The following IFT25 variants were observed in gnomAD, a reference collection of about 807,000 sequenced individuals.
IFT25 encodes intraflagellar transport 25, also known as intraflagellar transport protein 25 homolog.
the IFT25 span, among the ~76,000 whole-genome samples, chr1:53,932,468 T>C: frequency 6.6e-6 from 1 of 152,250 alleles, no homozygotes; most frequent in Admixed American, 6.5e-5. Context: ...TTATTTCTAA[T>C]TTAATTACAC....
At chr1:53,930,227 A>C in the IFT25 span, 21 of 1,295,608 alleles carry the variant, frequency 1.6e-5, no homozygotes, top group Non-Finnish European at 2.1e-5. Context: ...CCTGTTTTTT[A>C]AAATTAAATG....
At chr1:53,933,453 C>T in the IFT25 span, among the ~76,000 whole-genome samples, 10 of 152,144 alleles carry the variant, frequency 6.6e-5, no homozygotes, top group Non-Finnish European at 8.8e-5. Context: ...TCCTAATGAA[C>T]GGACTCTCTA....
chr1:53,916,658 CAAGAA>C, the IFT25 span: 1 of 304,630 alleles, frequency 3.3e-6, no homozygotes, highest in African/African-American at 2.2e-5. Flanking sequence ...TCCAGTGTTA[CAAGAA>C]AATACCTGAA....
chr1:53,935,585 A>G, the IFT25 span, among the ~76,000 whole-genome samples: 1 of 151,836 alleles, frequency 6.6e-6, no homozygotes, highest in African/African-American at 2.4e-5. Flanking sequence ...TGTGAATAAT[A>G]TGTCAATAAA....
the IFT25 span, chr1:53,940,193 T>C: frequency 6.2e-6 from 4 of 648,150 alleles, no homozygotes; most frequent in African/African-American, 3.7e-5. Flanking sequence ...GCCTAGCAGA[T>C]GGTTTAACAC....
the IFT25 span, among the ~76,000 whole-genome samples, chr1:53,932,029 T>C: frequency 6.6e-6 from 1 of 152,194 alleles, no homozygotes; most frequent in Non-Finnish European, 1.5e-5. Context: ...AAATTTGGTA[T>C]GTTACATTTT....
chr1:53,915,810 G>A, the IFT25 span, among the ~76,000 whole-genome samples: 1 of 152,214 alleles, frequency 6.6e-6, no homozygotes, highest in Non-Finnish European at 1.5e-5. Context: ...CAGCACAGTG[G>A]CAGTCAGGAG....
chr1:53,932,770 T>G, the IFT25 span, among the ~76,000 whole-genome samples: 2 of 152,194 alleles, frequency 1.3e-5, no homozygotes, highest in Non-Finnish European at 2.9e-5. Context: ...TTTGTCATGT[T>G]GTCCAGGCTG....
the IFT25 span, chr1:53,945,951 C>G: frequency 6.6e-6 from 1 of 150,948 alleles, no homozygotes; most frequent in East Asian, 2.0e-4. Context: ...CGCCACGCCT[C>G]CCAGAGGCCC....
chr1:53,942,588 C>A, the IFT25 span, among the ~76,000 whole-genome samples: 1 of 152,180 alleles, frequency 6.6e-6, no homozygotes, highest in South Asian at 2.1e-4. Flanking sequence ...AACCTCTGAT[C>A]TGATAAAACA....
At chr1:53,922,942 C>T in the IFT25 span, among the ~76,000 whole-genome samples, 1 of 152,154 alleles carries the variant, frequency 6.6e-6, no homozygotes, top group African/African-American at 2.4e-5. Flanking sequence ...TTCCCCCTTG[C>T]TATTTTCCAA....
the IFT25 span, among the ~76,000 whole-genome samples, chr1:53,943,693 G>C: frequency 1.2e-4 from 18 of 152,032 alleles, no homozygotes; most frequent in African/African-American, 4.3e-4. Flanking sequence ...ACTCGATCTC[G>C]GCTAACTGCA....
the IFT25 span, among the ~76,000 whole-genome samples, chr1:53,944,366 C>T: frequency 1.8e-4 from 27 of 152,262 alleles, no homozygotes; most frequent in East Asian, 5.2e-3. Flanking sequence ...AAAAATTAGC[C>T]GGACCTGGTG....
chr1:53,924,369 A>G, the IFT25 span, among the ~76,000 whole-genome samples: 1 of 152,234 alleles, frequency 6.6e-6, no homozygotes, highest in African/African-American at 2.4e-5. Context: ...TGAGTTTCTC[A>G]GTGAAACTTT....
At chr1:53,932,688 A>G in the IFT25 span, among the ~76,000 whole-genome samples, 1 of 152,018 alleles carries the variant, frequency 6.6e-6, no homozygotes, top group African/African-American at 2.4e-5. Context: ...CCTCAGCTCC[A>G]AAAGGAGCTG....
chr1:53,918,964 G>A, the IFT25 span, among the ~76,000 whole-genome samples: 1 of 152,052 alleles, frequency 6.6e-6, no homozygotes, highest in African/African-American at 2.4e-5. Flanking sequence ...TCAGCCTCCT[G>A]AGTAGCTGGG....
chr1:53,932,217 G>A, the IFT25 span, among the ~76,000 whole-genome samples: 1 of 152,048 alleles, frequency 6.6e-6, no homozygotes, highest in South Asian at 2.1e-4. Flanking sequence ...CAGGTGTGGT[G>A]GCACATGCCG....
At chr1:53,938,996 C>G in the IFT25 span, among the ~76,000 whole-genome samples, 32 of 148,688 alleles carry the variant, frequency 2.2e-4, no homozygotes, top group African/African-American at 7.6e-4. Context: ...ATCGCTTGAA[C>G]CTGGGAGGCA....
At chr1:53,938,183 G>A in the IFT25 span, among the ~76,000 whole-genome samples, 1 of 152,136 alleles carries the variant, frequency 6.6e-6, no homozygotes, top group African/African-American at 2.4e-5. Flanking sequence ...AGGGTCAACT[G>A]ACAAAGTATC....
Sources: allele counts gnomAD v4.1 joint callset (sites outside exome capture counted in the v4.1 genomes callset), GRCh38; gene constraint gnomAD v4.1.1; transcripts MANE v1.5; gene names NCBI Gene and HGNC (gene_info 2026-07-23, HGNC 2026-07-21).